Variants in TRMT11 observed in about 807,000 individuals in gnomAD.
The protein encoded by TRMT11 is tRNA methyltransferase 11, also known as tRNA (guanine(10)-N(2))-methyltransferase TRMT11.
TRMT11 carries 53 observed loss-of-function variants against 62.8 expected under a neutral mutation model. The observed-to-expected ratio is 0.84, with a 90% CI of 0.68 to 1.06. The LOEUF is 1.06. TRMT11 is among the 50% of genes least tolerant of loss of function. TRMT11 has a pLI of 0.00. For synonymous variants in TRMT11, 188 were observed against 190.3 expected (o/e 0.99, Z 0.10); for missense variants, 556 against 553.4 (o/e 1.00, Z -0.05).
intron 21 of TRMT11, among the ~76,000 whole-genome samples, chr6:126,148,230 C>T (rs1777996383): frequency 6.6e-6 from 1 of 152,160 alleles, no homozygotes; most frequent in Admixed American, 6.5e-5. Flanking sequence ...AGGTCTCTGA[C>T]CAGAAGACCG....
rs1427461891 is a variant in TRMT11, at chr6:126,142,761, A to AT, written c.*1823+26908dup. Among the ~76,000 whole-genome samples the AT allele has an allele frequency of 4.6e-5, 7 of 152,206 alleles. No homozygotes were observed. In the South Asian group the frequency reaches 8.3e-4, roughly 18 times the overall value. ...AATTCCTCTTTTGCTCAATAGCTAT[A>AT]TTAACAGTGCTGAGAGCAGGGAGAC... On this transcript the variant is annotated intron_variant and NMD_transcript_variant, in intron 21 of 22. Coordinates refer to the TRMT11 transcript ENST00000648977.
At chr6:126,132,097 A>G (rs1320748616) in intron 21 of TRMT11, among the ~76,000 whole-genome samples, 2 of 152,222 alleles carry the variant, frequency 1.3e-5, no homozygotes, top group East Asian at 1.9e-4. Flanking sequence ...CAACACAGGT[A>G]ATTTCACAGA....
At position 126,064,304 on chromosome 6, in the gene TRMT11, A is replaced by C. The variant is rs112549977; in HGVS notation, c.*1437+11114A>C. Among the ~76,000 whole-genome samples the C allele has an allele frequency of 6.1e-3, 931 of 152,274 alleles. 5 individuals carry two copies. Among genetic ancestry groups the C allele is most frequent in the African/African-American group, 0.021 (873 of 41,552 alleles). On this transcript the variant is annotated intron_variant and NMD_transcript_variant, in intron 17 of 22. Coordinates refer to the TRMT11 transcript ENST00000648977. The stretch of plus-strand genomic sequence containing the variant: ...TGAAAATCTGCCTGTGAGATGACCG[A>C]TACCCTGGATTAAACCACAGCTCTG...
At chr6:126,125,155 A>G (rs1562328385) in intron 21 of TRMT11, among the ~76,000 whole-genome samples, 1 of 152,022 alleles carries the variant, frequency 6.6e-6, no homozygotes, top group Non-Finnish European at 1.5e-5. Context: ...GACCTGGTCT[A>G]TGCTCAGACA....
At chr6:126,271,895 A>C in the TRMT11 span, among the ~76,000 whole-genome samples, 1 of 152,214 alleles carries the variant, frequency 6.6e-6, no homozygotes, top group African/African-American at 2.4e-5. Context: ...TTCAGAACCA[A>C]GAAGGTGAAG....
chr6:125,998,558 A>G lies in TRMT11; in HGVS notation c.396A>G (p.Glu132=). 1.2e-6 allele frequency: 2 copies of G among 1,611,692 alleles called. No homozygotes were observed. Among genetic ancestry groups the G allele is most frequent in the Non-Finnish European group, 8.5e-7 (1 of 1,179,282 alleles). Residue 132 remains glutamate, a synonymous_variant, in exon 6 of 13, where the codon GAA becomes GAG. Coordinates refer to ENST00000334379, the MANE Select transcript of TRMT11 (RefSeq NM_001031712.3). ...TCTTTTGTTTCTTTTAGGCACTTGA[A>G]TTTCTGCCATTTGAAGGAAAAGTGA... The part of the protein sequence containing the change: ...EEKIKRIDAL[E]FLPFEGKVNL...
At chr6:126,203,455 C>T (rs115176471), downstream of TRMT11, among the ~76,000 whole-genome samples, 621 of 152,268 alleles carry the variant, frequency 4.1e-3, 4 homozygotes, top group African/African-American at 0.014. Flanking sequence ...TACCAGGAGT[C>T]TGTTTTATGA....
chr6:126,184,648 C>G (rs1778506345), intron 1 of TRMT11, among the ~76,000 whole-genome samples: 1 of 152,026 alleles, frequency 6.6e-6, no homozygotes, highest in African/African-American at 2.4e-5. Context: ...TCTCTTGGTG[C>G]TTTCTCTTGG....
intron 17 of TRMT11, among the ~76,000 whole-genome samples, chr6:126,100,412 TA>T (rs1205129398): frequency 4.6e-5 from 7 of 152,332 alleles, no homozygotes; most frequent in Admixed American, 2.6e-4. Flanking sequence ...TATTTTCCAT[TA>T]AAAAATTATT....
chr6:126,081,966 A>G (rs913667367), intron 17 of TRMT11, among the ~76,000 whole-genome samples: 1 of 152,138 alleles, frequency 6.6e-6, no homozygotes, highest in African/African-American at 2.4e-5. Flanking sequence ...CCTTTTCAAA[A>G]CAGTTTCTGG....
intron 17 of TRMT11, among the ~76,000 whole-genome samples, chr6:126,053,887 C>T (rs923555934): frequency 2.6e-5 from 4 of 152,020 alleles, no homozygotes; most frequent in South Asian, 2.1e-4. Flanking sequence ...GTGGAAGTTG[C>T]GTGATCATGT....
chr6:126,023,118 C>T (rs952616777), intron 12 of TRMT11, among the ~76,000 whole-genome samples: 8 of 152,098 alleles, frequency 5.3e-5, no homozygotes, highest in Non-Finnish European at 1.2e-4. Context: ...TATTTAAAGT[C>T]GTTTTTGGAA....
intron 11 of TRMT11, among the ~76,000 whole-genome samples, chr6:126,013,830 A>C (rs1001703105): frequency 1.3e-5 from 2 of 152,216 alleles, no homozygotes; most frequent in African/African-American, 4.8e-5. Context: ...TGTACCCTAC[A>C]CTTAGCTTAG....
intron 12 of TRMT11, among the ~76,000 whole-genome samples, chr6:126,026,387 T>G (rs1773085162): frequency 6.6e-6 from 1 of 151,580 alleles, no homozygotes; most frequent in African/African-American, 2.4e-5. Context: ...TTTTATGTTT[T>G]TTTTTAATTT....
the TRMT11 span, among the ~76,000 whole-genome samples, chr6:126,237,179 C>T: frequency 2.9e-4 from 44 of 152,024 alleles, no homozygotes; most frequent in African/African-American, 8.9e-4. Context: ...TCCGGGAAAC[C>T]AGACACTGTT....
At chr6:126,022,669 T>C (rs1249294368) in intron 12 of TRMT11, among the ~76,000 whole-genome samples, 1 of 152,176 alleles carries the variant, frequency 6.6e-6, no homozygotes, top group Non-Finnish European at 1.5e-5. Context: ...TACTGAAAAA[T>C]GTTCAGAATT....
chr6:126,178,875 T>G (rs1018140462), intron 1 of TRMT11, among the ~76,000 whole-genome samples: 2 of 152,124 alleles, frequency 1.3e-5, no homozygotes, highest in Non-Finnish European at 2.9e-5. Flanking sequence ...GTCTGGAATT[T>G]CAGCCCCAAT....
intron 1 of TRMT11, among the ~76,000 whole-genome samples, chr6:126,183,396 T>G (rs1283099107): frequency 6.6e-6 from 1 of 151,850 alleles, no homozygotes; most frequent in African/African-American, 2.4e-5. Flanking sequence ...TTTTCAGGAG[T>G]GGGCAGAGGT....
intron 2 of TRMT11, among the ~76,000 whole-genome samples, chr6:125,994,241 T>C (rs1479205419): frequency 6.6e-6 from 1 of 152,180 alleles, no homozygotes; most frequent in Non-Finnish European, 1.5e-5. Context: ...TGACAGAAGT[T>C]TGGAAAATAG....
Sources: gnomAD v4.1 joint callset for allele counts (sites outside exome capture counted in the v4.1 genomes callset) on GRCh38, gnomAD v4.1.1 for gene constraint, MANE v1.5 for transcripts, NCBI Gene and HGNC (gene_info 2026-07-23, HGNC 2026-07-21) for gene names.